CACNG3: variants seen among roughly 807,000 people sequenced by gnomAD.
The protein encoded by CACNG3 is voltage-dependent calcium channel gamma-3 subunit.
In CACNG3, 3 loss-of-function variants were observed where a neutral mutation model predicts 28.5. That is an observed-to-expected ratio of 0.11 (90% confidence interval 0.05 to 0.27). The LOEUF (loss-of-function observed/expected upper bound fraction) is 0.27, where lower values mean the gene tolerates loss of function less well. Among genes scored for constraint, CACNG3 ranks in the 10% least tolerant of loss-of-function variants. CACNG3 has a pLI of 1.00. For synonymous variants in CACNG3, 174 were observed against 162.2 expected (o/e 1.07, Z -0.55); for missense variants, 236 against 414.4 (o/e 0.57, Z 3.74).
At chr16:24,266,791 G>C (rs1454183976) in intron 1 of CACNG3, among the ~76,000 whole-genome samples, 1 of 152,046 alleles carries the variant, frequency 6.6e-6, no homozygotes, top group East Asian at 1.9e-4. Context: ...TCCTGGATTT[G>C]CATGAGGTGG....
chr16:24,335,172 C>T (rs139912884), intron 1 of CACNG3, among the ~76,000 whole-genome samples: 165 of 152,246 alleles, frequency 1.1e-3, no homozygotes, highest in African/African-American at 3.8e-3. Context: ...GTAATCCCAG[C>T]GCTTTGGGAG....
chr16:24,277,503 G>A (rs367803077), intron 1 of CACNG3, among the ~76,000 whole-genome samples: 20 of 152,240 alleles, frequency 1.3e-4, no homozygotes, highest in Non-Finnish European at 1.8e-4. Flanking sequence ...AGCTGAGTGC[G>A]GTGGCTTACA....
intron 1 of CACNG3, among the ~76,000 whole-genome samples, chr16:24,283,520 G>C (rs1303431379): frequency 6.6e-6 from 1 of 152,152 alleles, no homozygotes; most frequent in Non-Finnish European, 1.5e-5. Context: ...ATGACTGGTA[G>C]GTGAGAAAGC....
chr16:24,269,999 C>T (rs1898666331), intron 1 of CACNG3, among the ~76,000 whole-genome samples: 1 of 152,054 alleles, frequency 6.6e-6, no homozygotes, highest in Middle Eastern at 3.4e-3. Flanking sequence ...ATATTGTGCA[C>T]AAATCCCACA....
chr16:24,356,311 C>G (rs893132926), intron 3 of CACNG3, among the ~76,000 whole-genome samples: 31 of 152,082 alleles, frequency 2.0e-4, no homozygotes, highest in Non-Finnish European at 3.4e-4. Flanking sequence ...TTGCAACCCC[C>G]CTGGATTTCA....
chr16:24,358,988 A>T (rs185109669), intron 3 of CACNG3, among the ~76,000 whole-genome samples: 89 of 152,246 alleles, frequency 5.8e-4, no homozygotes, highest in African/African-American at 1.9e-3. Flanking sequence ...AATAATTGGC[A>T]ATTCGCTTGG....
chr16:24,341,432 C>T (rs150615577), intron 1 of CACNG3, among the ~76,000 whole-genome samples: 48 of 152,294 alleles, frequency 3.2e-4, no homozygotes, highest in African/African-American at 1.1e-3. Flanking sequence ...CCAAAACCAA[C>T]GGTAATAATA....
intron 1 of CACNG3, among the ~76,000 whole-genome samples, chr16:24,343,812 G>A (rs780599708): frequency 3.3e-5 from 5 of 152,046 alleles, no homozygotes; most frequent in South Asian, 2.1e-4. Context: ...ATCTCAGGCC[G>A]GGCACAGTGG....
intron 1 of CACNG3, among the ~76,000 whole-genome samples, chr16:24,298,393 C>CCA (rs372614905): frequency 1.1e-3 from 168 of 151,750 alleles, no homozygotes; most frequent in Non-Finnish European, 1.9e-3. Flanking sequence ...CAATTGAAAA[C>CCA]CACACACACA....
At chr16:24,329,973 G>A (rs1176127964) in intron 1 of CACNG3, among the ~76,000 whole-genome samples, 1 of 152,120 alleles carries the variant, frequency 6.6e-6, no homozygotes, top group East Asian at 1.9e-4. Context: ...GAGGATGGAG[G>A]TTGCAGTGAG....
At chr16:24,292,628 C>T (rs1898980956) in intron 1 of CACNG3, among the ~76,000 whole-genome samples, 1 of 152,136 alleles carries the variant, frequency 6.6e-6, no homozygotes, top group Non-Finnish European at 1.5e-5. Context: ...CCCCTTCTTC[C>T]TCTCTACTCC....
intron 1 of CACNG3, among the ~76,000 whole-genome samples, chr16:24,329,073 G>A (rs1899599324): frequency 6.6e-6 from 1 of 152,186 alleles, no homozygotes; most frequent in Non-Finnish European, 1.5e-5. Flanking sequence ...CACCCAAGAA[G>A]CCTGGGGGCA....
intron 3 of CACNG3, among the ~76,000 whole-genome samples, chr16:24,356,728 A>C (rs767322145): frequency 1.1e-4 from 17 of 152,136 alleles, no homozygotes; most frequent in Non-Finnish European, 1.9e-4. Flanking sequence ...TAATGATAAT[A>C]GTACCAGCTG....
intron 1 of CACNG3, among the ~76,000 whole-genome samples, chr16:24,275,760 A>G (rs1456652900): frequency 6.6e-6 from 1 of 152,188 alleles, no homozygotes; most frequent in Non-Finnish European, 1.5e-5. Context: ...CTGTGAGCCA[A>G]TGTGATTTGT....
intron 1 of CACNG3, among the ~76,000 whole-genome samples, chr16:24,344,295 G>A (rs112552324): frequency 2.0e-5 from 3 of 152,146 alleles, no homozygotes; most frequent in African/African-American, 4.8e-5. Flanking sequence ...AGCCAGGCCT[G>A]GTGGTCGGGA....
At chr16:24,288,154 A>G (rs1054397463) in intron 1 of CACNG3, among the ~76,000 whole-genome samples, 1 of 152,218 alleles carries the variant, frequency 6.6e-6, no homozygotes, top group Non-Finnish European at 1.5e-5. Context: ...GCATCAGGAT[A>G]ACTTTGCTAG....
chr16:24,352,967 G>A (rs77852701), intron 2 of CACNG3, among the ~76,000 whole-genome samples: 5,716 of 151,602 alleles, frequency 0.038, 299 homozygotes, highest in African/African-American at 0.12. Context: ...AGGCCTCACT[G>A]TTTTTTGTTT....
chr16:24,356,640 T>C (rs1384193993), intron 3 of CACNG3, among the ~76,000 whole-genome samples: 2 of 152,102 alleles, frequency 1.3e-5, no homozygotes, highest in African/African-American at 4.8e-5. Flanking sequence ...AGGTCAAGGC[T>C]GCAGTCAGTC....
At chr16:24,329,789 C>G (rs1345350022) in intron 1 of CACNG3, among the ~76,000 whole-genome samples, 1 of 152,174 alleles carries the variant, frequency 6.6e-6, no homozygotes, top group African/African-American at 2.4e-5. Context: ...AATCCCAACA[C>G]TTTGGGAGGC....
Sources: allele counts gnomAD v4.1 joint callset (sites outside exome capture counted in the v4.1 genomes callset), GRCh38; gene constraint gnomAD v4.1.1; transcripts MANE v1.5; gene names NCBI Gene and HGNC (gene_info 2026-07-23, HGNC 2026-07-21).